Variants in TACR1 observed in about 807,000 individuals in gnomAD.
TACR1 encodes the protein substance-P receptor.
Under a neutral mutation model 35.8 loss-of-function variants are expected in TACR1, and 25 were observed. That is an observed-to-expected ratio of 0.70 (90% CI 0.51 to 0.98). The LOEUF (loss-of-function observed/expected upper bound fraction) is 0.98, where lower values mean the gene tolerates loss of function less well. Among genes scored for constraint, TACR1 ranks in the 50% least tolerant of loss-of-function variants. TACR1 has a pLI of 0.00. For missense variants in TACR1, 478 were observed against 522.9 expected (o/e 0.91, Z 0.84); for synonymous variants, 195 against 206.7 (o/e 0.94, Z 0.48).
At chr2:75,187,431 C>G (rs1398577171) in intron 1 of TACR1, 3 of 152,160 alleles carry the variant, frequency 2.0e-5, no homozygotes, top group Non-Finnish European at 4.4e-5. Context: ...TTTTTGAAAG[C>G]CAAACTCTGG....
At chr2:75,106,890 A>T (rs1052233202) in intron 2 of TACR1, among the ~76,000 whole-genome samples, 1 of 151,810 alleles carries the variant, frequency 6.6e-6, no homozygotes, top group South Asian at 2.1e-4. Flanking sequence ...ATGAAAGAAG[A>T]CCAACTATAA....
At chr2:75,123,357 TTAAA>T (rs1244915451) in intron 1 of TACR1, among the ~76,000 whole-genome samples, 1 of 152,170 alleles carries the variant, frequency 6.6e-6, no homozygotes, top group African/African-American at 2.4e-5. Context: ...ATGCTCAGTC[TTAAA>T]TAAACAAATC....
chr2:75,158,830 C>A (rs115023382), intron 1 of TACR1, among the ~76,000 whole-genome samples: 4 of 152,096 alleles, frequency 2.6e-5, no homozygotes, highest in Non-Finnish European at 1.5e-5. Flanking sequence ...GCCTCTGTTC[C>A]GAACTCAAAC....
chr2:75,152,484 C>G lies in TACR1; in HGVS notation c.390-31716G>C, dbSNP rs140215544. Among the ~76,000 whole-genome samples, 330 of 152,204 alleles carry G rather than the reference C, an allele frequency of 2.2e-3. 2 individuals carry two copies. Among genetic ancestry groups the G allele is most frequent in the African/African-American group, 7.0e-3 (289 of 41,532 alleles). ...GCCAAGTAAGAAGTGTCTTTCACCT[C>G]CCCCCATGATCCTGAGGTCTCCTAG... On this transcript the variant is annotated intron_variant, in intron 1 of 4. Transcript: ENST00000305249.
intron 2 of TACR1, among the ~76,000 whole-genome samples, chr2:75,099,759 C>T (rs923834098): frequency 4.6e-5 from 7 of 152,140 alleles, no homozygotes; most frequent in African/African-American, 1.7e-4. Context: ...TTATCAAGTC[C>T]TCCTTTTCTA....
chr2:75,115,123 T>TGTC (rs1673825388), intron 2 of TACR1, among the ~76,000 whole-genome samples: 1 of 147,792 alleles, frequency 6.8e-6, no homozygotes, highest in African/African-American at 2.5e-5. Flanking sequence ...GTGTGTGTCT[T>TGTC]CACATCATGT....
rs200425072 is a variant in TACR1, at chr2:75,051,202, G to A, written c.932+49C>T. The stretch of plus-strand genomic sequence containing the variant: ...GGATGGCCGCTTGGCCACTGTGTAT[G>A]TAGATGGTCTTGTGGCCCCTGGAGA... On this transcript the variant is annotated intron_variant, in intron 4 of 4. Transcript: ENST00000305249. The A allele has an allele frequency of 8.8e-4, 1,424 of 1,613,144 alleles. 1 individual carries two copies. Among genetic ancestry groups the A allele is most frequent in the Non-Finnish European group, 1.2e-3 (1,357 of 1,179,482 alleles).
At chr2:75,114,530 C>A (rs551338271) in intron 2 of TACR1, among the ~76,000 whole-genome samples, 38 of 152,346 alleles carry the variant, frequency 2.5e-4, no homozygotes, top group Non-Finnish European at 4.3e-4. Flanking sequence ...CACATAACAA[C>A]TACAAGAATG....
At position 75,110,634 on chromosome 2, in the gene TACR1, GATC is replaced by G. The variant is rs563129778; in HGVS notation, c.584+9937_584+9939del. ...ATAATATTATGATAAATAATATTAT[GATC>G]ATAATATATGATCGGTATTATTAAT... On this transcript the variant is annotated intron_variant, in intron 2 of 4. Coordinates refer to ENST00000305249, the MANE Select transcript of TACR1 (RefSeq NM_001058.4). 6.8e-4 allele frequency among the ~76,000 whole-genome samples: 103 copies of G among 151,808 alleles called. 2 individuals carry two copies. In the South Asian group the frequency reaches 0.021, roughly 31 times the overall value.
At chr2:75,127,459 T>C (rs1674095615) in intron 1 of TACR1, among the ~76,000 whole-genome samples, 1 of 152,216 alleles carries the variant, frequency 6.6e-6, no homozygotes, top group South Asian at 2.1e-4. Context: ...CATGAGGTTT[T>C]GATCTCCATG....
At chr2:75,050,798 C>G in intron 4 of TACR1, among the ~76,000 whole-genome samples, 1 of 152,154 alleles carries the variant, frequency 6.6e-6, no homozygotes, top group Non-Finnish European at 1.5e-5. Context: ...AGTGAGAGAT[C>G]AGAGAGGGCG....
At chr2:75,121,769 G>A (rs17010788) in intron 1 of TACR1, among the ~76,000 whole-genome samples, 16,165 of 152,100 alleles carry the variant, frequency 0.11, 1,112 homozygotes, top group Admixed American at 0.21. Context: ...ATCTTATAGG[G>A]CCTTTGGCAT....
At chr2:75,078,879 C>T (rs891245002) in intron 2 of TACR1, among the ~76,000 whole-genome samples, 3 of 152,180 alleles carry the variant, frequency 2.0e-5, no homozygotes, top group Non-Finnish European at 4.4e-5. Flanking sequence ...TTTAGACCCC[C>T]TTTTCCTACT....
chr2:75,186,779 G>C (rs753371395), intron 1 of TACR1: 2 of 152,102 alleles, frequency 1.3e-5, no homozygotes, highest in Non-Finnish European at 2.9e-5. Context: ...CTCATCAACT[G>C]TTTTATATAC....
At chr2:75,056,799 A>T (rs1229905712) in intron 2 of TACR1, among the ~76,000 whole-genome samples, 1 of 152,244 alleles carries the variant, frequency 6.6e-6, no homozygotes, top group African/African-American at 2.4e-5. Flanking sequence ...AACAACAAAA[A>T]AAATGGGCTT....
rs139625218 is a variant in TACR1, at chr2:75,198,608, G to C, written c.327C>G (p.Asn109Lys). ...YYGLFYCKFH[N>K]FFPIAAVFAS... ...CGAAGACAGCGGCGATGGGAAAGAA[G>C]TTGTGGAACTTGCAGTAGAACAGGC... Residue 109 changes from asparagine (N) to lysine (K), a missense_variant, in exon 1 of 5, where the codon AAC (asparagine) becomes AAG (lysine). Physicochemically the swap from Asn to Lys is moderately conservative, Grantham distance 94. Transcript: ENST00000305249. 6.2e-7 allele frequency: 1 copy of C among 1,614,104 alleles called. No individual in the cohort carries two copies. Among genetic ancestry groups the C allele is most frequent in the Non-Finnish European group, 8.5e-7 (1 of 1,180,050 alleles).
chr2:75,163,302 G>C (rs1390342034), intron 1 of TACR1, among the ~76,000 whole-genome samples: 1 of 152,128 alleles, frequency 6.6e-6, no homozygotes, highest in East Asian at 1.9e-4. Context: ...CCTTACATAA[G>C]CTTTTTTGTG....
At chr2:75,132,081 C>T (rs1404243744) in intron 1 of TACR1, among the ~76,000 whole-genome samples, 2 of 152,104 alleles carry the variant, frequency 1.3e-5, no homozygotes, top group African/African-American at 4.8e-5. Flanking sequence ...TTTGGAAATT[C>T]TTGATTGGCT....
At chr2:75,054,309 A>C (rs901319209) in intron 2 of TACR1, among the ~76,000 whole-genome samples, 1 of 152,256 alleles carries the variant, frequency 6.6e-6, no homozygotes, top group African/African-American at 2.4e-5. Context: ...CTATGTGATA[A>C]GTGAATTTAT....
Sources: allele counts gnomAD v4.1 joint callset (sites outside exome capture counted in the v4.1 genomes callset), GRCh38; gene constraint gnomAD v4.1.1; transcripts MANE v1.5; gene names NCBI Gene and HGNC (gene_info 2026-07-23, HGNC 2026-07-21).